JMY: variants seen among roughly 807,000 people sequenced by gnomAD.
JMY encodes junction-mediating and -regulatory protein.
A neutral mutation model predicts 103.3 loss-of-function variants in JMY; 46 were observed. That is an observed-to-expected ratio of 0.45 (90% CI 0.35 to 0.57). The LOEUF (loss-of-function observed/expected upper bound fraction) is 0.57. JMY is among the 20% of genes least tolerant of loss of function. The pLI, the probability that JMY is intolerant of heterozygous loss-of-function variation, is 0.00. For synonymous variants in JMY, 526 were observed against 489.3 expected (o/e 1.07, Z -0.99); for missense variants, 1,238 against 1,255.2 (o/e 0.99, Z 0.21).
Position 79,237,147 on chromosome 5 carries a change from C to G in JMY, c.497C>G (p.Ala166Gly), listed in dbSNP as rs1287080084. ...EADDAAGAAA[A>G]AARPAPREAQ... ...GACGATGCGGCGGGGGCAGCCGCTGCAGCAGCCCGGCCGGCGCCCAGAGAG... is the reference window on the plus strand; with the variant it reads ...GACGATGCGGCGGGGGCAGCCGCTGGAGCAGCCCGGCCGGCGCCCAGAGAG... The change falls in exon 1 of 11, where the codon GCA (alanine) becomes GGA (glycine). Residue 166 changes from alanine (A) to glycine (G), a missense_variant. Transcript: ENST00000396137. The G allele has an allele frequency of 6.5e-7, 1 of 1,547,534 alleles. No homozygotes were observed. The highest frequency in any genetic ancestry group is 1.4e-5 in the African/African-American group (1 of 72,924).
intron 1 of JMY, among the ~76,000 whole-genome samples, chr5:79,274,564 C>T (rs1561299744): frequency 6.6e-6 from 1 of 152,016 alleles, no homozygotes; most frequent in Non-Finnish European, 1.5e-5. Context: ...TGCTCCTCCA[C>T]ACCTGGCTAA....
At chr5:79,284,725 C>G in intron 2 of JMY, 6 of 1,590,970 alleles carry the variant, frequency 3.8e-6, no homozygotes, top group Non-Finnish European at 5.1e-6. Flanking sequence ...TTCAAACACA[C>G]GACCCTTGAG....
chr5:79,268,354 C>T (rs1745644345), intron 1 of JMY, among the ~76,000 whole-genome samples: 1 of 152,186 alleles, frequency 6.6e-6, no homozygotes, highest in Non-Finnish European at 1.5e-5. Flanking sequence ...GGTTGTTCCG[C>T]ATCCTCTAGC....
Position 79,291,259 on chromosome 5 carries a change from A to G in JMY, c.1487A>G (p.Glu496Gly). The G allele has an allele frequency of 6.2e-7, 1 of 1,609,640 alleles. No individual in the cohort carries two copies. Among genetic ancestry groups the G allele is most frequent in the Non-Finnish European group, 8.5e-7 (1 of 1,178,370 alleles). The part of the protein sequence containing the change: ...KETLQMMRAK[E>G]ICLEQRKHAL... ...ACTTTGCAGATGATGAGAGCTAAAG[A>G]GATATGCTTGGAACAGCGGAAACAT... Residue 496 changes from glutamate to glycine, a missense_variant, in exon 4 of 11, where the codon GAG becomes GGG. By Grantham distance (98) the Glu-to-Gly change is moderately conservative. Coordinates refer to ENST00000396137, the MANE Select transcript of JMY (RefSeq NM_152405.5).
At chr5:79,267,061 T>C (rs983545365) in intron 1 of JMY, among the ~76,000 whole-genome samples, 6 of 152,206 alleles carry the variant, frequency 3.9e-5, no homozygotes, top group African/African-American at 1.2e-4. Context: ...GAGCAGATAG[T>C]ACAGAGATTC....
intron 6 of JMY, among the ~76,000 whole-genome samples, chr5:79,303,012 G>A (rs1361467672): frequency 2.0e-5 from 3 of 152,152 alleles, no homozygotes; most frequent in Admixed American, 2.0e-4. Context: ...TCTGGATTGG[G>A]CATTGAGGTA....
chr5:79,325,526 C>G lies in JMY; in HGVS notation c.*3924C>G, dbSNP rs1444204580. 1 of 152,130 alleles carries G rather than the reference C, an allele frequency of 6.6e-6. No homozygotes were observed. The highest frequency in any genetic ancestry group is 2.1e-4 in the South Asian group (1 of 4,822). The allele number at this position is 152,130 out of a possible 1,614,324, so 9.4% of individuals were successfully genotyped here. A position where few individuals can be genotyped will look rare whatever the true frequency, so the allele number is the denominator to read the frequency against. ...CATTTTAAACAGATTCTATTTCCCA[C>G]TTACTGCTTAGCATAGAAAAAGAGC... On this transcript the variant is annotated 3_prime_UTR_variant, in exon 11 of 11. Transcript: ENST00000396137.
intron 7 of JMY, among the ~76,000 whole-genome samples, chr5:79,309,593 A>C (rs780152769): frequency 1.3e-5 from 2 of 152,184 alleles, no homozygotes; most frequent in Non-Finnish European, 2.9e-5. Flanking sequence ...TGTCTTTAGC[A>C]TCATACTAAA....
Position 79,277,463 on chromosome 5 carries a change from C to CA in JMY, c.1033-434dup, listed in dbSNP as rs771446906. On this transcript the variant is annotated intron_variant, in intron 1 of 10. Coordinates refer to ENST00000396137, the MANE Select transcript of JMY (RefSeq NM_152405.5). ...GCAACATGGTGAGACCCCGTCTCTA[C>CA]AAAAAAAAAAAAATATATACAATAA... Among the ~76,000 whole-genome samples, 1,133 of 129,482 alleles carry CA rather than the reference C, an allele frequency of 8.8e-3. 7 individuals carry two copies. Among genetic ancestry groups the CA allele is most frequent in the African/African-American group, 0.026 (933 of 35,212 alleles). 84.9% of individuals were successfully genotyped at this position (129,482 alleles called of 152,430 possible).
At chr5:79,244,712 A>G (rs1204066188) in intron 1 of JMY, among the ~76,000 whole-genome samples, 1 of 151,850 alleles carries the variant, frequency 6.6e-6, no homozygotes, top group Non-Finnish European at 1.5e-5. Flanking sequence ...CACTCTCTAA[A>G]AGGCCAGGAC....
At chr5:79,317,016 TG>T (rs1747249769) in intron 10 of JMY, among the ~76,000 whole-genome samples, 1 of 151,482 alleles carries the variant, frequency 6.6e-6, no homozygotes, top group African/African-American at 2.4e-5. Context: ...AAATCCGGCC[TG>T]GGCAATATAG....
Position 79,237,043 on chromosome 5 carries a change from T to C in JMY, c.393T>C (p.Pro131=). 6.6e-7 allele frequency: 1 copy of C among 1,519,408 alleles called. No homozygotes were observed. The highest frequency in any genetic ancestry group is 8.8e-7 in the Non-Finnish European group (1 of 1,129,970). The allele number at this position is 1,519,408 out of a possible 1,614,324, so 94.1% of individuals were successfully genotyped here. A position where few individuals can be genotyped will look rare whatever the true frequency, so the allele number is the denominator to read the frequency against. ...TGGGGGACCCGCGGCTGCGGAGTCC[T>C]GGCAGCAAAGGGGCGGAGAGTCGTC... ...SLLGDPRLRS[P]GSKGAESRLR... Residue 131 remains proline (P), a synonymous_variant, in exon 1 of 11, where the codon CCT becomes CCC. Coordinates refer to ENST00000396137, the MANE Select transcript of JMY (RefSeq NM_152405.5).
At chr5:79,304,390 G>A (rs904357064) in intron 6 of JMY, among the ~76,000 whole-genome samples, 3 of 152,092 alleles carry the variant, frequency 2.0e-5, no homozygotes, top group Non-Finnish European at 4.4e-5. Flanking sequence ...CTGGCTTCTT[G>A]GTTTCTCTGG....
intron 1 of JMY, among the ~76,000 whole-genome samples, chr5:79,241,927 T>C (rs770681994): frequency 1.1e-4 from 17 of 152,186 alleles, no homozygotes; most frequent in Non-Finnish European, 2.4e-4. Context: ...TTTGTATTAG[T>C]GTATGTGCGT....
chr5:79,263,469 C>T (rs1333394431), intron 1 of JMY, among the ~76,000 whole-genome samples: 1 of 152,132 alleles, frequency 6.6e-6, no homozygotes, highest in Non-Finnish European at 1.5e-5. Flanking sequence ...TCTCAACTCA[C>T]TGCAACCTCC....
chr5:79,271,203 T>C (rs1745774215), intron 1 of JMY, among the ~76,000 whole-genome samples: 1 of 151,752 alleles, frequency 6.6e-6, no homozygotes, highest in Non-Finnish European at 1.5e-5. Context: ...TTTTTTTTTT[T>C]TTTAAATTTT....
At chr5:79,273,657 G>C (rs1199760947) in intron 1 of JMY, among the ~76,000 whole-genome samples, 1 of 152,144 alleles carries the variant, frequency 6.6e-6, no homozygotes, top group Non-Finnish European at 1.5e-5. Flanking sequence ...CTTTTGGCCA[G>C]GTACAATGGC....
chr5:79,283,206 C>T (rs997277100), intron 2 of JMY, among the ~76,000 whole-genome samples: 7 of 151,798 alleles, frequency 4.6e-5, no homozygotes, highest in Non-Finnish European at 8.8e-5. Flanking sequence ...TTAGGCTGGT[C>T]TTGAACTCCC....
chr5:79,260,484 G>A (rs1745388081), intron 1 of JMY, among the ~76,000 whole-genome samples: 1 of 152,008 alleles, frequency 6.6e-6, no homozygotes, highest in African/African-American at 2.4e-5. Context: ...GGGAGCAAGC[G>A]ATCCTCCCAC....
Sources: gnomAD v4.1 joint callset for allele counts (sites outside exome capture counted in the v4.1 genomes callset) on GRCh38, gnomAD v4.1.1 for gene constraint, MANE v1.5 for transcripts, NCBI Gene and HGNC (gene_info 2026-07-23, HGNC 2026-07-21) for gene names.